SLCO5A1: variants seen among roughly 807,000 people sequenced by gnomAD.
SLCO5A1 encodes the protein organic anion transporter polypeptide-related protein 4.
A neutral mutation model predicts 65.1 loss-of-function variants in SLCO5A1; 39 were observed. The observed-to-expected ratio is 0.60, with a 90% CI of 0.46 to 0.78. SLCO5A1 has a LOEUF of 0.78. SLCO5A1 is among the 30% of genes least tolerant of loss of function. The pLI is 0.00. For missense variants in SLCO5A1, 1,029 were observed against 1,069.4 expected (o/e 0.96, Z 0.53); for synonymous variants, 438 against 415.7 (o/e 1.05, Z -0.65).
chr8:69,809,424 T>C (rs1820131510), intron 2 of SLCO5A1, among the ~76,000 whole-genome samples: 1 of 152,170 alleles, frequency 6.6e-6, no homozygotes, highest in Non-Finnish European at 1.5e-5. Flanking sequence ...TTAAATACAA[T>C]TGCCAATGAA....
intron 5 of SLCO5A1, among the ~76,000 whole-genome samples, chr8:69,712,023 T>C (rs1815291835): frequency 6.6e-6 from 1 of 152,364 alleles, no homozygotes; most frequent in South Asian, 2.1e-4. Context: ...TAAACCTCTA[T>C]GTGTTCTTTA....
Position 69,670,768 on chromosome 8 carries a change from T to C in SLCO5A1, c.*2101A>G, listed in dbSNP as rs993764070. 6.6e-6 allele frequency: 1 copy of C among 152,132 alleles called. No individual in the cohort carries two copies. Among genetic ancestry groups the C allele is most frequent in the Non-Finnish European group, 1.5e-5 (1 of 68,042 alleles). The allele number at this position is 152,132 out of a possible 1,614,324, so 9.4% of individuals were successfully genotyped here. ...TCTTAGCTACCAGAAAAAGTGCCAA[T>C]CCCACCAAAATTCTCTCAATGCAGT... On this transcript the variant is annotated 3_prime_UTR_variant, in exon 10 of 10. Coordinates refer to ENST00000260126, the MANE Select transcript of SLCO5A1 (RefSeq NM_030958.3).
At chr8:69,741,188 G>C (rs1816774788) in intron 4 of SLCO5A1, among the ~76,000 whole-genome samples, 1 of 152,180 alleles carries the variant, frequency 6.6e-6, no homozygotes, top group South Asian at 2.1e-4. Flanking sequence ...CTGCAGTGCT[G>C]TCTAGGGTTC....
intron 2 of SLCO5A1, among the ~76,000 whole-genome samples, chr8:69,803,467 A>G (rs1380319948): frequency 6.6e-6 from 1 of 151,936 alleles, no homozygotes; most frequent in Non-Finnish European, 1.5e-5. Context: ...AATCCCAGCT[A>G]CTCGAGAGGC....
rs1821161183 is a variant in SLCO5A1, at chr8:69,831,767, C to A, written c.907G>T (p.Ala303Ser). Reference sequence around the variant, plus strand: ...ATCTGAGAGAACAGGAAAGTCTTACCTAGGTACAAGGAGGAGTTTTCTTTC... The same window carrying A: ...ATCTGAGAGAACAGGAAAGTCTTACATAGGTACAAGGAGGAGTTTTCTTTC... ...VKKENSSLYL[A>S]IMYVMGALGP... is the part of the protein sequence containing the mutation. Residue 303 changes from alanine (A) to serine (S), a missense_variant and splice_region_variant, in exon 2 of 10, where the codon GCC (alanine) becomes TCC (serine). Ala to Ser is a moderately conservative substitution (Grantham distance 99). Coordinates refer to ENST00000260126, the MANE Select transcript of SLCO5A1 (RefSeq NM_030958.3). 6.2e-7 allele frequency: 1 copy of A among 1,612,352 alleles called. No homozygotes were observed. Among genetic ancestry groups the A allele is most frequent in the South Asian group, 1.1e-5 (1 of 90,518 alleles).
At chr8:69,769,813 A>G (rs1387247580) in intron 2 of SLCO5A1, among the ~76,000 whole-genome samples, 1 of 152,166 alleles carries the variant, frequency 6.6e-6, no homozygotes, top group African/African-American at 2.4e-5. Context: ...GGAGTTGAAC[A>G]CGTGTGTGTC....
chr8:69,698,668 C>G (rs972920510), intron 6 of SLCO5A1, among the ~76,000 whole-genome samples: 7 of 152,104 alleles, frequency 4.6e-5, no homozygotes, highest in African/African-American at 1.7e-4. Flanking sequence ...TTGAAAAGTA[C>G]CTTCTCATGT....
At chr8:69,695,019 T>G (rs1049019465) in intron 6 of SLCO5A1, among the ~76,000 whole-genome samples, 6 of 152,178 alleles carry the variant, frequency 3.9e-5, no homozygotes, top group Admixed American at 1.3e-4. Flanking sequence ...CATTCATTCA[T>G]CTGTTAAAGA....
chr8:69,808,644 T>A (rs1820108140), intron 2 of SLCO5A1, among the ~76,000 whole-genome samples: 1 of 152,244 alleles, frequency 6.6e-6, no homozygotes, highest in Non-Finnish European at 1.5e-5. Context: ...TGCATTTGTC[T>A]TTATAATAGA....
intron 2 of SLCO5A1, among the ~76,000 whole-genome samples, chr8:69,775,833 G>A (rs1467228265): frequency 6.6e-6 from 1 of 152,042 alleles, no homozygotes; most frequent in Non-Finnish European, 1.5e-5. Context: ...GGGCGACATA[G>A]TGAGACCTAG....
chr8:69,823,807 A>G (rs529433174), intron 2 of SLCO5A1, among the ~76,000 whole-genome samples: 12 of 152,326 alleles, frequency 7.9e-5, no homozygotes, highest in Admixed American at 7.8e-4. Context: ...CTCCACCCCA[A>G]ATCAACAGAA....
chr8:69,748,233 C>G (rs16936412), intron 4 of SLCO5A1, among the ~76,000 whole-genome samples: 1,956 of 152,290 alleles, frequency 0.013, 44 homozygotes, highest in African/African-American at 0.045. Context: ...CTGCCAGGGC[C>G]TAAAATACAT....
intron 4 of SLCO5A1, among the ~76,000 whole-genome samples, chr8:69,750,841 C>T (rs914486638): frequency 2.0e-5 from 3 of 152,172 alleles, no homozygotes; most frequent in Non-Finnish European, 4.4e-5. Context: ...ACTCTAAGCT[C>T]TTGGAGGGTA....
chr8:69,747,075 C>T (rs147557966), intron 4 of SLCO5A1, among the ~76,000 whole-genome samples: 27 of 152,296 alleles, frequency 1.8e-4, no homozygotes, highest in Non-Finnish European at 2.8e-4. Flanking sequence ...CCAAGGATAT[C>T]CCAACAAAGG....
intron 2 of SLCO5A1, among the ~76,000 whole-genome samples, chr8:69,819,559 G>T (rs900534970): frequency 1.5e-4 from 23 of 152,170 alleles, no homozygotes; most frequent in Admixed American, 1.4e-3. Flanking sequence ...CAGAACTCAA[G>T]GTGGGGAAAG....
intron 3 of SLCO5A1, among the ~76,000 whole-genome samples, chr8:69,760,964 C>T (rs1179245113): frequency 6.6e-6 from 1 of 152,160 alleles, no homozygotes; most frequent in African/African-American, 2.4e-5. Flanking sequence ...AAAAGCAGGA[C>T]TGGCATTCCA....
intron 2 of SLCO5A1, among the ~76,000 whole-genome samples, chr8:69,813,693 C>A (rs1820299754): frequency 1.3e-5 from 2 of 152,124 alleles, no homozygotes; most frequent in Admixed American, 6.6e-5. Flanking sequence ...CCTCTGGAGA[C>A]CTGAGTCTCA....
intron 6 of SLCO5A1, among the ~76,000 whole-genome samples, chr8:69,695,693 T>A (rs529552344): frequency 6.6e-6 from 1 of 152,020 alleles, no homozygotes; most frequent in Non-Finnish European, 1.5e-5. Flanking sequence ...ATTTTATATA[T>A]GAGAAACCCA....
chr8:69,711,203 C>CTTTT lies in SLCO5A1; in HGVS notation c.1424-5975_1424-5974insAAAA, dbSNP rs1362895715. 1.2e-3 allele frequency among the ~76,000 whole-genome samples: 182 copies of CTTTT among 152,288 alleles called. 1 individual carries two copies. The highest frequency in any genetic ancestry group is 4.2e-3 in the African/African-American group (176 of 41,562). ...GGGTTCTCCCGGCAGAAGTTACGGT[C>CTTTT]CTGCCGCTAGCCCTCTCTGAGCTCA... On this transcript the variant is annotated intron_variant, in intron 5 of 9. Coordinates refer to ENST00000260126, the MANE Select transcript of SLCO5A1 (RefSeq NM_030958.3).
Sources: allele counts gnomAD v4.1 joint callset (sites outside exome capture counted in the v4.1 genomes callset), GRCh38; gene constraint gnomAD v4.1.1; transcripts MANE v1.5; gene names NCBI Gene and HGNC (gene_info 2026-07-23, HGNC 2026-07-21).